ROBO2: variants seen among roughly 807,000 people sequenced by gnomAD.
The protein encoded by ROBO2 is roundabout guidance receptor 2, also known as roundabout homolog 2.
ROBO2 carries 53 observed loss-of-function variants against 160.8 expected under a neutral mutation model. That is an observed-to-expected ratio of 0.33 (90% CI 0.26 to 0.41). The LOEUF is 0.41. Among genes scored for constraint, ROBO2 ranks in the 10% least tolerant of loss-of-function variants. The probability of loss-of-function intolerance (pLI) is 1.00; values close to 1 mark genes in which losing one functional copy is unlikely to be tolerated. For synonymous variants in ROBO2, 664 were observed against 611.7 expected (o/e 1.09, Z -1.26); for missense variants, 1,577 against 1,722.4 (o/e 0.92, Z 1.49).
intron 2 of ROBO2, among the ~76,000 whole-genome samples, chr3:76,894,129 G>C (rs1037293307): frequency 6.6e-6 from 1 of 151,298 alleles, no homozygotes; most frequent in Non-Finnish European, 1.5e-5. Flanking sequence ...CTTATTATCT[G>C]TGGGAGGAAA....
intron 2 of ROBO2, among the ~76,000 whole-genome samples, chr3:76,537,103 T>A (rs1254718686): frequency 6.6e-6 from 1 of 151,122 alleles, no homozygotes; most frequent in East Asian, 2.0e-4. Context: ...GGGAGAGAGG[T>A]CAGAGGGGTC....
intron 2 of ROBO2, among the ~76,000 whole-genome samples, chr3:77,214,452 T>G (rs2084643105): frequency 6.6e-6 from 1 of 152,164 alleles, no homozygotes; most frequent in Non-Finnish European, 1.5e-5. Flanking sequence ...CTCCATCCTT[T>G]TATTTTGAGC....
chr3:77,048,441 G>A (rs1366843522), intron 1 of ROBO2, among the ~76,000 whole-genome samples: 1 of 151,538 alleles, frequency 6.6e-6, no homozygotes, highest in Non-Finnish European at 1.5e-5. Flanking sequence ...TAGTAAACAA[G>A]AGAGGAATCA....
At chr3:77,278,999 G>C (rs1425859366) in intron 2 of ROBO2, among the ~76,000 whole-genome samples, 2 of 152,092 alleles carry the variant, frequency 1.3e-5, no homozygotes, top group Non-Finnish European at 2.9e-5. Flanking sequence ...TTTTACTGAA[G>C]AGGAGACAAA....
At chr3:76,443,544 T>A (rs2077026346) in intron 2 of ROBO2, among the ~76,000 whole-genome samples, 1 of 152,196 alleles carries the variant, frequency 6.6e-6, no homozygotes, top group Non-Finnish European at 1.5e-5. Context: ...AGATAAGGGT[T>A]ACTTAGGTCA....
At chr3:76,610,541 T>A (rs546559345) in intron 2 of ROBO2, among the ~76,000 whole-genome samples, 5 of 152,266 alleles carry the variant, frequency 3.3e-5, no homozygotes, top group Admixed American at 1.3e-4. Context: ...GCTCGGAAAG[T>A]CCCAAGGTCT....
At chr3:76,908,477 T>G (rs1222600048) in intron 2 of ROBO2, among the ~76,000 whole-genome samples, 1 of 152,216 alleles carries the variant, frequency 6.6e-6, no homozygotes, top group Non-Finnish European at 1.5e-5. Flanking sequence ...GTGACTGGTT[T>G]CACTAACTTT....
chr3:77,241,711 A>G (rs1175552746), intron 2 of ROBO2, among the ~76,000 whole-genome samples: 3 of 152,196 alleles, frequency 2.0e-5, no homozygotes, highest in Non-Finnish European at 1.5e-5. Context: ...CAGGAAATAA[A>G]TAGTGGCTAT....
rs142368075 is a variant in ROBO2 at position 77,490,256 on chromosome 3, G to A, written c.668-2988G>A. Among the ~76,000 whole-genome samples the A allele has an allele frequency of 7.4e-3, 1,119 of 151,498 alleles. 18 individuals are homozygous for A. Among genetic ancestry groups the A allele is most frequent in the African/African-American group, 0.026 (1,057 of 41,338 alleles). ...GCTGGGACTACAGGTGCCCGCCACC[G>A]CCCCAGCTAATTTTTAGTAGAGACG... On this transcript the variant is annotated intron_variant, in intron 4 of 25. Transcript: ENST00000461745.
chr3:77,266,629 T>G (rs763100843), intron 2 of ROBO2, among the ~76,000 whole-genome samples: 5 of 152,138 alleles, frequency 3.3e-5, no homozygotes, highest in Non-Finnish European at 7.3e-5. Context: ...GTGATGAACT[T>G]TGGACCAGGA....
chr3:77,103,158 C>T (rs1578995672), intron 2 of ROBO2, among the ~76,000 whole-genome samples: 1 of 152,176 alleles, frequency 6.6e-6, no homozygotes, highest in East Asian at 1.9e-4. Context: ...TCAGTGGCAG[C>T]CTCTAGAGAT....
chr3:76,374,972 C>T (rs2076274674), intron 2 of ROBO2, among the ~76,000 whole-genome samples: 1 of 149,250 alleles, frequency 6.7e-6, no homozygotes, highest in Admixed American at 6.7e-5. Context: ...GTCTATAGCA[C>T]TGTAGCATAA....
At chr3:76,829,906 G>T (rs1333899372) in intron 2 of ROBO2, among the ~76,000 whole-genome samples, 1 of 152,130 alleles carries the variant, frequency 6.6e-6, no homozygotes, top group Non-Finnish European at 1.5e-5. Context: ...GATCTCAGGT[G>T]ATCCACTCGC....
intron 2 of ROBO2, among the ~76,000 whole-genome samples, chr3:76,156,282 T>C (rs996080486): frequency 7.2e-5 from 11 of 152,142 alleles, no homozygotes; most frequent in African/African-American, 2.4e-4. Flanking sequence ...AGATTTCTTC[T>C]ATGTGCTTAA....
At chr3:76,708,902 G>T (rs746738337) in intron 2 of ROBO2, among the ~76,000 whole-genome samples, 1 of 152,160 alleles carries the variant, frequency 6.6e-6, no homozygotes. Flanking sequence ...GCAAATCAAC[G>T]AGCAGACCTC....
intron 2 of ROBO2, among the ~76,000 whole-genome samples, chr3:77,211,767 G>T (rs1351998117): frequency 6.6e-6 from 1 of 152,132 alleles, no homozygotes; most frequent in Non-Finnish European, 1.5e-5. Context: ...TGTAAGGAAG[G>T]GATCCAGTTT....
intron 2 of ROBO2, among the ~76,000 whole-genome samples, chr3:76,376,868 C>G (rs2076372382): frequency 6.6e-6 from 1 of 152,084 alleles, no homozygotes; most frequent in East Asian, 1.9e-4. Flanking sequence ...GGACCCCTGG[C>G]TTTTGAAACG....
At chr3:77,119,220 A>C (rs553204979) in intron 2 of ROBO2, among the ~76,000 whole-genome samples, 2 of 152,226 alleles carry the variant, frequency 1.3e-5, no homozygotes, top group South Asian at 4.1e-4. Flanking sequence ...AGTCAATTAA[A>C]CCTCTTTTCT....
chr3:76,470,871 G>A (rs536227838), intron 2 of ROBO2, among the ~76,000 whole-genome samples: 3 of 152,000 alleles, frequency 2.0e-5, no homozygotes, highest in Middle Eastern at 3.4e-3. Flanking sequence ...TCTTACCTTT[G>A]ACCCCTATTC....
Sources: gnomAD v4.1 joint callset for allele counts (sites outside exome capture counted in the v4.1 genomes callset) on GRCh38, gnomAD v4.1.1 for gene constraint, MANE v1.5 for transcripts, NCBI Gene and HGNC (gene_info 2026-07-23, HGNC 2026-07-21) for gene names.